UXS1: variants seen among roughly 807,000 people sequenced by gnomAD.
UXS1 encodes the protein UDP-glucuronic acid decarboxylase 1.
In UXS1, 33 loss-of-function variants were observed where a neutral mutation model predicts 62.6. That is an observed-to-expected ratio of 0.53 (90% CI 0.40 to 0.70). The LOEUF is 0.70. UXS1 is among the 30% of genes least tolerant of loss of function. The probability of loss-of-function intolerance (pLI) is 0.00; values close to 1 mark genes in which losing one functional copy is unlikely to be tolerated. For missense variants in UXS1, 434 were observed against 556.3 expected (o/e 0.78, Z 2.21); for synonymous variants, 213 against 206.8 (o/e 1.03, Z -0.26).
At chr2:106,109,333 T>C (rs1421338303) in intron 10 of UXS1, among the ~76,000 whole-genome samples, 1 of 152,208 alleles carries the variant, frequency 6.6e-6, no homozygotes, top group Admixed American at 6.5e-5. Context: ...TCACTTAACA[T>C]ACCACAGTAT....
At chr2:106,114,708 C>T (rs908329483) in intron 9 of UXS1, among the ~76,000 whole-genome samples, 6 of 152,194 alleles carry the variant, frequency 3.9e-5, no homozygotes, top group Non-Finnish European at 7.3e-5. Flanking sequence ...CATAAACAGG[C>T]TTGCTTGCTG....
intron 4 of UXS1, among the ~76,000 whole-genome samples, chr2:106,162,522 T>A (rs1279475765): frequency 6.6e-6 from 1 of 152,200 alleles, no homozygotes; most frequent in Admixed American, 6.5e-5. Context: ...TATTTCTTAT[T>A]GTTCCAATTT....
chr2:106,111,573 C>T (rs1678612951), intron 10 of UXS1, among the ~76,000 whole-genome samples: 1 of 152,166 alleles, frequency 6.6e-6, no homozygotes, highest in African/African-American at 2.4e-5. Context: ...CTTCAAAACC[C>T]AGGCTACCAC....
intron 9 of UXS1, 150 bp from the exon 10 acceptor site, chr2:106,112,915 A>C: frequency 7.7e-7 from 1 of 1,298,452 alleles, no homozygotes; most frequent in Non-Finnish European, 1.0e-6. Context: ...TGATTCCATA[A>C]TGTGCTCATT....
Position 106,157,132 on chromosome 2 carries a change from G to C in UXS1, c.291+926C>G, listed in dbSNP as rs557932520. Among the ~76,000 whole-genome samples the C allele has an allele frequency of 2.0e-5, 3 of 152,258 alleles. No individual in the cohort carries two copies. The East Asian group carries it at 5.8e-4, about 29-fold the overall frequency. On this transcript the variant is annotated intron_variant, in intron 5 of 14. Coordinates refer to ENST00000283148, the MANE Select transcript of UXS1 (RefSeq NM_001253875.2). The stretch of plus-strand genomic sequence containing the variant: ...GGAAAATGGAGAGTGACTGCTAATG[G>C]GTATAGGCTTTCCTTGGGGGGGGCC...
At chr2:106,147,246 G>C (rs950839997) in intron 5 of UXS1, among the ~76,000 whole-genome samples, 2 of 152,286 alleles carry the variant, frequency 1.3e-5, no homozygotes, top group Admixed American at 1.3e-4. Context: ...TGATGTGAAA[G>C]GAGATTGGAC....
chr2:106,098,868 C>G, intron 12 of UXS1, 95 bp from the exon 13 acceptor site: 1 of 1,105,244 alleles, frequency 9.0e-7, no homozygotes, highest in Non-Finnish European at 1.4e-6. Flanking sequence ...GTCTACTGGC[C>G]GAGTCTGACC....
chr2:106,171,998 C>T (rs945420170), intron 1 of UXS1, among the ~76,000 whole-genome samples: 9 of 152,264 alleles, frequency 5.9e-5, no homozygotes, highest in Admixed American at 2.6e-4. Context: ...CTCATGCAGG[C>T]TTTGCCTTCT....
chr2:106,163,586 T>C (rs2105057700), intron 4 of UXS1, 81 bp downstream of exon 4: 3 of 898,460 alleles, frequency 3.3e-6, no homozygotes, highest in South Asian at 3.6e-5. Flanking sequence ...TGGCAGAGTT[T>C]GGAGCAAACA....
At chr2:106,096,071 G>A (rs557691802) in intron 14 of UXS1, among the ~76,000 whole-genome samples, 1 of 152,326 alleles carries the variant, frequency 6.6e-6, no homozygotes, top group Non-Finnish European at 1.5e-5. Flanking sequence ...GGGGCTGATG[G>A]GGACCACTTG....
At chr2:106,100,025 T>C (rs1013310564) in intron 12 of UXS1, among the ~76,000 whole-genome samples, 11 of 152,146 alleles carry the variant, frequency 7.2e-5, no homozygotes, top group Admixed American at 5.2e-4. Flanking sequence ...TTGCAAGAAA[T>C]AGGTCACATG....
At chr2:106,110,736 T>TG (rs1678520628) in intron 10 of UXS1, among the ~76,000 whole-genome samples, 1 of 152,208 alleles carries the variant, frequency 6.6e-6, no homozygotes, top group Non-Finnish European at 1.5e-5. Context: ...TTCTGGAAGC[T>TG]GGGGACGCAA....
Position 106,098,839 on chromosome 2 carries a change from C to G in UXS1, c.985-66G>C, listed in dbSNP as rs1677343769. 3.4e-6 allele frequency: 5 copies of G among 1,453,526 alleles called. No individual in the cohort carries two copies. The East Asian group carries it at 9.3e-5, about 27-fold the overall frequency. The allele number at this position is 1,453,526 out of a possible 1,614,324, so 90.0% of individuals were successfully genotyped here. ...CAGCAGCAATCCACCACCCAGACCACAGGCGTGTCTGCAGAGACGTCTACT... is the reference window on the plus strand; with the variant it reads ...CAGCAGCAATCCACCACCCAGACCAGAGGCGTGTCTGCAGAGACGTCTACT... On this transcript the variant is annotated intron_variant, in intron 12 of 14. Transcript: ENST00000283148.
Position 106,125,669 on chromosome 2 carries a change from T to C in UXS1, c.588A>G (p.Lys196=). 1 of 1,577,896 alleles carries C rather than the reference T, an allele frequency of 6.3e-7. No individual in the cohort carries two copies. The highest frequency in any genetic ancestry group is 8.6e-7 in the Non-Finnish European group (1 of 1,161,472). The change falls in exon 8 of 15, where the codon AAA becomes AAG. Residue 196 remains lysine, a synonymous_variant. Transcript: ENST00000283148. ...IGTLNMLGLA[K]RVGARLLLAS... ...CCAGGAGCAGACGGGCACCGACTCG[T>C]TTTGCCAGCCCTACAGAAAGCAATG...
At chr2:106,175,766 T>C (rs1683839099) in intron 1 of UXS1, among the ~76,000 whole-genome samples, 1 of 152,186 alleles carries the variant, frequency 6.6e-6, no homozygotes, top group Non-Finnish European at 1.5e-5. Flanking sequence ...GTGGATGCTC[T>C]AACCTGGGTG....
At chr2:106,128,629 T>C (rs1299145988) in intron 7 of UXS1, among the ~76,000 whole-genome samples, 4 of 151,960 alleles carry the variant, frequency 2.6e-5, no homozygotes, top group East Asian at 3.9e-4. Flanking sequence ...CCTGGCTTTC[T>C]TGGTTCTCTT....
chr2:106,182,316 G>A (rs765334234), intron 1 of UXS1, among the ~76,000 whole-genome samples: 2 of 152,186 alleles, frequency 1.3e-5, no homozygotes, highest in East Asian at 1.9e-4. Context: ...CATGCAGCCC[G>A]CGGGCAGTGG....
At position 106,157,880 on chromosome 2, in the gene UXS1, CTT is replaced by C. The variant is rs1289747784; in HGVS notation, c.291+176_291+177del. ...AGTGACTACTAATGAGTACAGGACT[CTT>C]TTTTGGGGTGATGAAGAAACTGTGG... On this transcript the variant is annotated intron_variant, in intron 5 of 14. Coordinates refer to ENST00000283148, the MANE Select transcript of UXS1 (RefSeq NM_001253875.2). Among the ~76,000 whole-genome samples, 13 of 152,076 alleles carry C rather than the reference CTT, an allele frequency of 8.5e-5. 1 individual carries two copies. The highest frequency in any genetic ancestry group is 8.5e-4 in the Admixed American group (13 of 15,268).
chr2:106,191,137 G>A (rs1254842137), intron 1 of UXS1, among the ~76,000 whole-genome samples: 1 of 152,086 alleles, frequency 6.6e-6, no homozygotes, highest in Non-Finnish European at 1.5e-5. Flanking sequence ...AGAGTTATGT[G>A]GTATCAAGGA....
Sources: gnomAD v4.1 joint callset for allele counts (sites outside exome capture counted in the v4.1 genomes callset) on GRCh38, gnomAD v4.1.1 for gene constraint, MANE v1.5 for transcripts, NCBI Gene and HGNC (gene_info 2026-07-23, HGNC 2026-07-21) for gene names.